Variants in CCDC13 observed in about 807,000 individuals in gnomAD.
CCDC13 encodes the protein coiled-coil domain containing 13.
CCDC13 carries 70 observed loss-of-function variants against 87.3 expected under a neutral mutation model. That is an observed-to-expected ratio of 0.80 (90% CI 0.66 to 0.98). The LOEUF (loss-of-function observed/expected upper bound fraction) is 0.98. CCDC13 is among the 50% of genes least tolerant of loss of function. CCDC13 has a pLI of 0.00. For synonymous variants in CCDC13, 317 were observed against 360.3 expected (o/e 0.88, Z 1.36); for missense variants, 842 against 892.0 (o/e 0.94, Z 0.71).
chr3:42,766,381 G>A (rs1039141281), intron 1 of CCDC13, among the ~76,000 whole-genome samples: 7 of 151,938 alleles, frequency 4.6e-5, no homozygotes, highest in African/African-American at 7.3e-5. Flanking sequence ...AGAGGGAAGA[G>A]GAAGAAGAGA....
chr3:42,762,920 A>G (rs1699863266), intron 1 of CCDC13, among the ~76,000 whole-genome samples: 1 of 152,166 alleles, frequency 6.6e-6, no homozygotes, highest in Admixed American at 6.6e-5. Flanking sequence ...CTGCACTCTA[A>G]CCTGGGTGAC....
intron 10 of CCDC13, among the ~76,000 whole-genome samples, chr3:42,735,376 C>T (rs2125885972): frequency 6.6e-6 from 1 of 152,284 alleles, no homozygotes; most frequent in African/African-American, 2.4e-5. Flanking sequence ...CTTCTCTCAT[C>T]CTGCTGCTGG....
Position 42,739,697 on chromosome 3 carries a change from CTT to C in CCDC13, c.1099_1100del (p.Lys367GlufsTer13). 6.2e-7 allele frequency: 1 copy of C among 1,614,232 alleles called. No homozygotes were observed. Among genetic ancestry groups the C allele is most frequent in the Middle Eastern group, 1.6e-4 (1 of 6,062 alleles). ...TCTCCACCAGGGTTCCCATCTGACTCTTGAGGGTCTTCATCTCACTTGACAGC... is the reference window on the plus strand; with the variant it reads ...TCTCCACCAGGGTTCCCATCTGACTCGAGGGTCTTCATCTCACTTGACAGC... The part of the protein sequence containing the change: ...KLLSSEMKTL[K>X]SQMGTLVEKG... On this transcript the variant is annotated frameshift_variant, in exon 9 of 16. Coordinates refer to ENST00000310232, the MANE Select transcript of CCDC13 (RefSeq NM_144719.4). LOFTEE classifies it high-confidence loss of function.
At chr3:42,717,316 T>C (rs1198678824) in intron 13 of CCDC13, among the ~76,000 whole-genome samples, 2 of 151,762 alleles carry the variant, frequency 1.3e-5, no homozygotes, top group Admixed American at 6.6e-5. Flanking sequence ...GTCCCAACTA[T>C]TTGGGAGGCT....
At chr3:42,728,470 C>T (rs1460234214) in intron 13 of CCDC13, among the ~76,000 whole-genome samples, 5 of 136,492 alleles carry the variant, frequency 3.7e-5, no homozygotes, top group Middle Eastern at 3.6e-3. Context: ...CTCTGAGAAA[C>T]GAAGGTCCTG....
intron 12 of CCDC13, chr3:42,732,589 A>C (rs1698869254): frequency 7.4e-6 from 3 of 404,448 alleles, no homozygotes; most frequent in Non-Finnish European, 1.3e-5. Context: ...CTCAATGAGC[A>C]AGAGAAGATG....
In CCDC13 at chr3:42,752,158, T is replaced by A. The variant is rs1015356670; in HGVS notation, c.514-133A>T. 5.6e-6 allele frequency: 4 copies of A among 717,784 alleles called. 1 individual carries two copies. The African/African-American group carries it at 7.1e-5, about 13-fold the overall frequency. 44.5% of individuals were successfully genotyped at this position (717,784 alleles called of 1,614,324 possible). A position where few individuals can be genotyped will look rare whatever the true frequency, so the allele number is the denominator to read the frequency against. ...TTTTAGCTCACTTTAGGATCATTAA[T>A]GGCAGCATTCTCCTTTAGAAACCGC... is the stretch of plus-strand genomic sequence containing the variant. On this transcript the variant is annotated intron_variant, in intron 4 of 15. Coordinates refer to ENST00000310232, the MANE Select transcript of CCDC13 (RefSeq NM_144719.4).
chr3:42,769,923 G>A (rs543615134), intron 1 of CCDC13, among the ~76,000 whole-genome samples: 3 of 152,260 alleles, frequency 2.0e-5, no homozygotes, highest in South Asian at 4.1e-4. Context: ...GCTGGGGACC[G>A]GCAGCCCGCC....
intron 13 of CCDC13, 89 bp from the exon 14 acceptor site, chr3:42,713,405 A>C: frequency 3.1e-6 from 4 of 1,298,736 alleles, no homozygotes; most frequent in Non-Finnish European, 4.3e-6. Context: ...AGAGATGGGC[A>C]CATCTTACAT....
At chr3:42,757,279 C>T in intron 2 of CCDC13, 65 bp from the exon 3 acceptor site, 2 of 1,509,928 alleles carry the variant, frequency 1.3e-6, no homozygotes, top group Non-Finnish European at 9.0e-7. Flanking sequence ...GGGGTCAGGC[C>T]TCCACTGCCT....
chr3:42,709,748 CCTT>C lies in CCDC13; in HGVS notation c.1921_1923del (p.Lys641del), dbSNP rs775741272. The C allele has an allele frequency of 3.5e-5, 57 of 1,614,156 alleles. No individual in the cohort carries two copies. The highest frequency in any genetic ancestry group is 8.8e-5 in the South Asian group (8 of 91,078). On this transcript the variant is annotated inframe_deletion, in exon 15 of 16. Coordinates refer to ENST00000310232, the MANE Select transcript of CCDC13 (RefSeq NM_144719.4). ...TCGGAGAGCTGGGCAAAGGATGGGT[CCTT>C]CTTCTCGCTCCCGGTTGGGTTGTGC...
chr3:42,756,235 T>C (rs1699700816), intron 3 of CCDC13, among the ~76,000 whole-genome samples: 2 of 152,214 alleles, frequency 1.3e-5, no homozygotes, highest in Admixed American at 1.3e-4. Context: ...TTATTAGCCA[T>C]CTGCGAATTG....
chr3:42,723,466 T>G (rs1016794489), intron 13 of CCDC13, among the ~76,000 whole-genome samples: 2 of 152,216 alleles, frequency 1.3e-5, no homozygotes, highest in Non-Finnish European at 2.9e-5. Context: ...TCACAGGTTC[T>G]GCCCACGCTC....
chr3:42,749,576 T>C (rs1449028490), intron 5 of CCDC13, among the ~76,000 whole-genome samples: 1 of 152,140 alleles, frequency 6.6e-6, no homozygotes, highest in Non-Finnish European at 1.5e-5. Context: ...AGCTGACAAG[T>C]GGGCTGAGGG....
At chr3:42,751,857 A>T in intron 5 of CCDC13, 79 bp downstream of exon 5, 1 of 1,281,566 alleles carries the variant, frequency 7.8e-7, no homozygotes, top group Non-Finnish European at 1.1e-6. Flanking sequence ...GGGTAGAGGT[A>T]CCTACACACC....
chr3:42,730,044 C>CAGCT (rs1030223827), intron 13 of CCDC13, among the ~76,000 whole-genome samples: 3 of 152,300 alleles, frequency 2.0e-5, no homozygotes, highest in Admixed American at 1.3e-4. Flanking sequence ...CCTGCCTCCC[C>CAGCT]AGCTATCAGC....
Position 42,733,515 on chromosome 3 carries a change from G to C in CCDC13, c.1466C>G (p.Ser489Cys). Residue 489 changes from serine (S) to cysteine (C), a missense_variant, in exon 11 of 16, where the codon TCC becomes TGC. Physicochemically the swap from Ser to Cys is moderately radical, Grantham distance 112. Transcript: ENST00000310232. Reference protein sequence around the residue: ...QFLEDPGLTKSPASAGDHVGR... With the variant: ...QFLEDPGLTKCPASAGDHVGR... Reference sequence around the variant, plus strand: ...AACATGATCGCCTGCTGAGGCCGGGGACTTGGTCAGGCCTGGGTCCTCCAG... The same window carrying C: ...AACATGATCGCCTGCTGAGGCCGGGCACTTGGTCAGGCCTGGGTCCTCCAG... 6.2e-7 allele frequency: 1 copy of C among 1,614,126 alleles called. No homozygotes were observed. The highest frequency in any genetic ancestry group is 8.5e-7 in the Non-Finnish European group (1 of 1,180,024).
chr3:42,765,589 A>G (rs1699912319), intron 1 of CCDC13, among the ~76,000 whole-genome samples: 2 of 152,050 alleles, frequency 1.3e-5, no homozygotes, highest in South Asian at 2.1e-4. Flanking sequence ...TGTATTTTTA[A>G]AGCTTCCCAG....
intron 12 of CCDC13, 61 bp from the exon 13 acceptor site, chr3:42,730,650 C>T (rs1177183099): frequency 7.5e-6 from 12 of 1,591,102 alleles, no homozygotes; most frequent in African/African-American, 1.3e-5. Flanking sequence ...TAACACTTAC[C>T]CCTGTGATGG....
Sources: gnomAD v4.1 joint callset for allele counts (sites outside exome capture counted in the v4.1 genomes callset) on GRCh38, gnomAD v4.1.1 for gene constraint, MANE v1.5 for transcripts, NCBI Gene and HGNC (gene_info 2026-07-23, HGNC 2026-07-21) for gene names.